Variants in FARP1 observed in about 807,000 individuals in gnomAD.
FARP1 encodes FERM, ARHGEF and pleckstrin domain-containing protein 1.
A neutral mutation model predicts 128.8 loss-of-function variants in FARP1; 52 were observed. That is an observed-to-expected ratio of 0.40 (90% CI 0.32 to 0.51). The LOEUF is 0.51. Among genes scored for constraint, FARP1 ranks in the 20% least tolerant of loss-of-function variants. FARP1 has a pLI of 0.45. For missense variants in FARP1, 1,333 were observed against 1,367.9 expected, an observed-to-expected ratio of 0.97 and a Z score of 0.40; for synonymous variants, 580 against 551.8, an observed-to-expected ratio of 1.05 and a Z score of -0.72.
At chr13:98,384,416 C>T (rs1258931654) in intron 6 of FARP1, 3 of 299,938 alleles carry the variant, frequency 1.0e-5, no homozygotes, top group Middle Eastern at 2.0e-3. Flanking sequence ...TGATCTCGAA[C>T]TCCTGACCTC....
chr13:98,159,456 A>G (rs529013197), intron 1 of FARP1: 20 of 148,158 alleles, frequency 1.3e-4, no homozygotes, highest in African/African-American at 5.0e-4. Flanking sequence ...TTCATTGTGG[A>G]TTTTTTTTAA....
chr13:98,383,361 A>G (rs1889963139), intron 6 of FARP1, among the ~76,000 whole-genome samples: 1 of 152,190 alleles, frequency 6.6e-6, no homozygotes, highest in Non-Finnish European at 1.5e-5. Context: ...CAATTAGGAA[A>G]TAGTGTTGTT....
At chr13:98,189,277 T>C (rs77645566) in intron 1 of FARP1, among the ~76,000 whole-genome samples, 1 of 151,746 alleles carries the variant, frequency 6.6e-6, no homozygotes, top group African/African-American at 2.4e-5. Flanking sequence ...TTTTTTTTTT[T>C]GGTCATCATA....
At chr13:98,222,561 C>T (rs1309267601) in intron 2 of FARP1, among the ~76,000 whole-genome samples, 1 of 151,968 alleles carries the variant, frequency 6.6e-6, no homozygotes, top group Admixed American at 6.6e-5. Context: ...CATAAAGAGC[C>T]GTTAGGATAA....
chr13:98,186,187 A>T (rs1261228599), intron 1 of FARP1, among the ~76,000 whole-genome samples: 1 of 150,742 alleles, frequency 6.6e-6, no homozygotes, highest in Non-Finnish European at 1.5e-5. Context: ...GCTCACCGCA[A>T]CCTCTGCCTC....
At chr13:98,444,305 G>A (rs1468999739) in intron 24 of FARP1, among the ~76,000 whole-genome samples, 1 of 152,158 alleles carries the variant, frequency 6.6e-6, no homozygotes, top group Non-Finnish European at 1.5e-5. Context: ...ACCATTGTAG[G>A]CACGGAGGGT....
intron 11 of FARP1, among the ~76,000 whole-genome samples, chr13:98,393,225 A>G (rs1890379818): frequency 6.6e-6 from 1 of 152,200 alleles, no homozygotes; most frequent in Non-Finnish European, 1.5e-5. Flanking sequence ...TCTGTTATAG[A>G]ACTGATCCAG....
At chr13:98,351,022 C>G (rs1389031146) in intron 3 of FARP1, among the ~76,000 whole-genome samples, 1 of 151,626 alleles carries the variant, frequency 6.6e-6, no homozygotes, top group Non-Finnish European at 1.5e-5. Context: ...CCTCGCCTCC[C>G]CTGCCCAGCC....
chr13:98,397,422 A>G (rs1266355715), intron 13 of FARP1: 1 of 152,122 alleles, frequency 6.6e-6, no homozygotes, highest in Admixed American at 6.5e-5. Flanking sequence ...TACCATTCAC[A>G]CTCTGGTGAA....
intron 2 of FARP1, among the ~76,000 whole-genome samples, chr13:98,213,988 A>G (rs77308574): frequency 0.089 from 13,556 of 152,178 alleles, 659 homozygotes; most frequent in African/African-American, 0.11. Flanking sequence ...AGCCTGCCAT[A>G]TGGCAGCCCT....
chr13:98,436,831 C>T lies in FARP1; in HGVS notation c.2274+1125C>T, dbSNP rs576209035. Among the ~76,000 whole-genome samples the T allele has an allele frequency of 3.9e-5, 6 of 152,194 alleles. No homozygotes were observed. The South Asian group carries it at 1.2e-3, about 32-fold the overall frequency. On this transcript the variant is annotated intron_variant, in intron 19 of 26. Coordinates refer to ENST00000319562, the MANE Select transcript of FARP1 (RefSeq NM_005766.4). ...AACCCTCAGAAAAGCCCTGTGGAAT[C>T]GATGTAATTTTCTCTCAGCTTTGAA...
intron 2 of FARP1, among the ~76,000 whole-genome samples, chr13:98,279,419 G>A (rs1884825172): frequency 6.6e-6 from 1 of 152,144 alleles, no homozygotes; most frequent in South Asian, 2.1e-4. Flanking sequence ...TATGCCATTT[G>A]AAACAAATTC....
intron 2 of FARP1, among the ~76,000 whole-genome samples, chr13:98,221,991 T>G (rs1220332801): frequency 6.6e-6 from 1 of 152,234 alleles, no homozygotes; most frequent in Non-Finnish European, 1.5e-5. Context: ...ACTTTGAGCA[T>G]TTGAGCTGGA....
chr13:98,320,124 C>G (rs1312628605), intron 2 of FARP1, among the ~76,000 whole-genome samples: 1 of 152,200 alleles, frequency 6.6e-6, no homozygotes, highest in Non-Finnish European at 1.5e-5. Context: ...GTCTTCCCTT[C>G]ATCTGCAGAC....
Position 98,390,864 on chromosome 13 carries a change from A to G in FARP1, c.1072A>G (p.Lys358Glu). The G allele has an allele frequency of 6.2e-7, 1 of 1,613,284 alleles. No homozygotes were observed. The highest frequency in any genetic ancestry group is 8.5e-7 in the Non-Finnish European group (1 of 1,179,284). The change falls in exon 11 of 27, where the codon AAG becomes GAG. Residue 358 changes from lysine (K) to glutamate (E), a missense_variant. Transcript: ENST00000319562. Reference protein sequence around the residue: ...LDYVKEGGHKKVQFERKHSKI... With the variant: ...LDYVKEGGHKEVQFERKHSKI... ...CTATGTTAAAGAAGGAGGACATAAG[A>G]AGGTGCAGTTTGAAAGGTAAGAGAA...
At chr13:98,384,960 C>A in intron 7 of FARP1, 116 bp downstream of exon 7, 1 of 663,702 alleles carries the variant, frequency 1.5e-6, no homozygotes. Flanking sequence ...CAACACAAAG[C>A]GTGAGGAAAG....
chr13:98,186,529 T>A (rs1331144638), intron 1 of FARP1, among the ~76,000 whole-genome samples: 8 of 152,236 alleles, frequency 5.3e-5, no homozygotes, highest in African/African-American at 1.9e-4. Context: ...ACAGTAGTCA[T>A]CCTTTTGTGA....
At chr13:98,164,691 C>T (rs1015513035) in intron 1 of FARP1, among the ~76,000 whole-genome samples, 1 of 152,174 alleles carries the variant, frequency 6.6e-6, no homozygotes, top group African/African-American at 2.4e-5. Context: ...GTTCTGGCTT[C>T]CTCCTCCACC....
chr13:98,265,689 T>C (rs1159711394), intron 2 of FARP1, among the ~76,000 whole-genome samples: 2 of 152,240 alleles, frequency 1.3e-5, no homozygotes, highest in Non-Finnish European at 2.9e-5. Context: ...TAGGTGATTT[T>C]AACTGTGCTT....
Sources: allele counts gnomAD v4.1 joint callset (sites outside exome capture counted in the v4.1 genomes callset), GRCh38; gene constraint gnomAD v4.1.1; transcripts MANE v1.5; gene names NCBI Gene and HGNC (gene_info 2026-07-23, HGNC 2026-07-21).